The following TBC1D22A variants were observed in gnomAD, a reference collection of about 807,000 sequenced individuals.
TBC1D22A encodes TBC1 domain family member 22A, also known as putative GTPase activator.
In TBC1D22A, 38 loss-of-function variants were observed where a neutral mutation model predicts 60.2. That is an observed-to-expected ratio of 0.63 (90% CI 0.49 to 0.83). TBC1D22A has a LOEUF of 0.83. Ranked by LOEUF, TBC1D22A falls within the 40% of genes least tolerant of loss-of-function variation. The pLI is 0.00. For missense variants in TBC1D22A, 628 were observed against 701.0 expected (o/e 0.90, Z 1.18); for synonymous variants, 302 against 281.7 (o/e 1.07, Z -0.72).
intron 11 of TBC1D22A, among the ~76,000 whole-genome samples, chr22:47,068,774 A>C (rs534031938): frequency 2.0e-5 from 3 of 152,234 alleles, no homozygotes; most frequent in Non-Finnish European, 4.4e-5. Flanking sequence ...GAGACATGCA[A>C]ATGAGGCCAG....
chr22:46,806,341 ATT>A (rs34490073), intron 4 of TBC1D22A, among the ~76,000 whole-genome samples: 9 of 132,582 alleles, frequency 6.8e-5, no homozygotes, highest in Admixed American at 7.7e-5. Context: ...CTCTGTTCTG[ATT>A]TTTTTTTTTT....
chr22:46,967,934 G>GTGC (rs2073885291), intron 8 of TBC1D22A, among the ~76,000 whole-genome samples: 9 of 151,396 alleles, frequency 5.9e-5, no homozygotes, highest in East Asian at 1.9e-4. Flanking sequence ...TATGATTCCA[G>GTGC]AGCACCCCCT....
rs1331664937 is a variant in TBC1D22A, at chr22:46,878,679, G to A, written c.664G>A (p.Gly222Arg). The A allele has an allele frequency of 2.5e-6, 4 of 1,613,174 alleles. No homozygotes were observed. The highest frequency in any genetic ancestry group is 2.5e-6 in the Non-Finnish European group (3 of 1,179,852). Residue 222 changes from glycine (G) to arginine (R), a missense_variant, in exon 5 of 13, where the codon GGA (glycine) becomes AGA (arginine). By Grantham distance (125) the Gly-to-Arg change is moderately radical. Coordinates refer to ENST00000337137, the MANE Select transcript of TBC1D22A (RefSeq NM_014346.5). The stretch of plus-strand genomic sequence containing the variant: ...GGAATTACGGAGGTTGAGCTGGTCC[G>A]GAATCCCTAAGCCAGTGCGTCCAAT... Reference protein sequence around the residue: ...LEELRRLSWSGIPKPVRPMTW... With the variant: ...LEELRRLSWSRIPKPVRPMTW...
At chr22:47,148,174 C>T (rs1331599642) in intron 12 of TBC1D22A, among the ~76,000 whole-genome samples, 4 of 152,078 alleles carry the variant, frequency 2.6e-5, no homozygotes, top group Admixed American at 6.5e-5. Flanking sequence ...AGGCCACCAC[C>T]CCATCGGACA....
intron 12 of TBC1D22A, among the ~76,000 whole-genome samples, chr22:47,157,279 C>A (rs1367777428): frequency 2.0e-5 from 3 of 152,214 alleles, no homozygotes; most frequent in Admixed American, 6.5e-5. Flanking sequence ...GCATGTGAAG[C>A]CCTGTGGGAC....
At chr22:46,981,262 G>A (rs1433805658) in intron 9 of TBC1D22A, among the ~76,000 whole-genome samples, 2 of 152,222 alleles carry the variant, frequency 1.3e-5, no homozygotes, top group Non-Finnish European at 2.9e-5. Flanking sequence ...GGTGGTGGTT[G>A]TCAATGCCTG....
chr22:46,810,530 G>A (rs1029645480), intron 4 of TBC1D22A, among the ~76,000 whole-genome samples: 1 of 151,950 alleles, frequency 6.6e-6, no homozygotes. Flanking sequence ...TTATTATGAG[G>A]GTCAAAATGG....
chr22:46,952,850 G>A (rs2072989449), intron 8 of TBC1D22A, among the ~76,000 whole-genome samples: 1 of 152,146 alleles, frequency 6.6e-6, no homozygotes, highest in Admixed American at 6.5e-5. Flanking sequence ...CTCCACGTCA[G>A]GACCACCCCG....
chr22:46,900,819 T>G (rs1484573292), intron 7 of TBC1D22A, among the ~76,000 whole-genome samples: 6 of 152,198 alleles, frequency 3.9e-5, no homozygotes, highest in Non-Finnish European at 5.9e-5. Context: ...TCTTTCTAAT[T>G]TTTGCCCATT....
chr22:46,960,578 C>A (rs567801343), intron 8 of TBC1D22A, among the ~76,000 whole-genome samples: 2 of 152,282 alleles, frequency 1.3e-5, no homozygotes, highest in East Asian at 3.9e-4. Context: ...CGTCTTTTGG[C>A]CCTTTGGCAG....
intron 7 of TBC1D22A, among the ~76,000 whole-genome samples, chr22:46,896,485 G>C (rs541619586): frequency 2.6e-4 from 39 of 152,288 alleles, no homozygotes; most frequent in Admixed American, 5.2e-4. Context: ...TCACGCCTCT[G>C]TGTTCAGTTC....
At chr22:46,840,881 T>C (rs762918655) in intron 4 of TBC1D22A, among the ~76,000 whole-genome samples, 6 of 152,056 alleles carry the variant, frequency 3.9e-5, no homozygotes, top group Non-Finnish European at 7.4e-5. Flanking sequence ...CACAGAACTG[T>C]CAGATGATCC....
intron 12 of TBC1D22A, among the ~76,000 whole-genome samples, chr22:47,153,995 G>A (rs778338030): frequency 6.6e-6 from 1 of 152,130 alleles, no homozygotes; most frequent in Non-Finnish European, 1.5e-5. Flanking sequence ...TGGGCAGAGA[G>A]TAGGAGGAGG....
intron 4 of TBC1D22A, among the ~76,000 whole-genome samples, chr22:46,834,624 G>A (rs1187019878): frequency 1.3e-5 from 2 of 152,160 alleles, no homozygotes; most frequent in Non-Finnish European, 1.5e-5. Context: ...TGAATAGTTT[G>A]GGAGCAACTA....
chr22:46,870,677 G>A (rs2067255802), intron 4 of TBC1D22A, among the ~76,000 whole-genome samples: 1 of 152,202 alleles, frequency 6.6e-6, no homozygotes, highest in South Asian at 2.1e-4. Context: ...GAGGCTTGGA[G>A]GTCTCGCATC....
At chr22:46,797,699 A>G (rs961255647) in intron 4 of TBC1D22A, 79 bp downstream of exon 4, 44 of 1,397,816 alleles carry the variant, frequency 3.1e-5, no homozygotes, top group African/African-American at 2.5e-4. Flanking sequence ...AAAGGATTCT[A>G]TGTATGCTTA....
chr22:46,926,172 T>C (rs534743962), intron 8 of TBC1D22A, among the ~76,000 whole-genome samples: 17 of 152,290 alleles, frequency 1.1e-4, no homozygotes, highest in African/African-American at 3.6e-4. Flanking sequence ...AAAGCAGTGA[T>C]CCAAGAGAAA....
At chr22:46,881,687 G>A (rs193084629) in intron 5 of TBC1D22A, among the ~76,000 whole-genome samples, 1 of 152,332 alleles carries the variant, frequency 6.6e-6, no homozygotes, top group African/African-American at 2.4e-5. Flanking sequence ...GAAGAACTGG[G>A]AAGGGACAGG....
intron 4 of TBC1D22A, among the ~76,000 whole-genome samples, chr22:46,844,425 C>T (rs1314193397): frequency 6.6e-6 from 1 of 152,208 alleles, no homozygotes; most frequent in Non-Finnish European, 1.5e-5. Context: ...TGTGGGCATT[C>T]ATTAAGCACC....
Sources: gnomAD v4.1 joint callset for allele counts (sites outside exome capture counted in the v4.1 genomes callset) on GRCh38, gnomAD v4.1.1 for gene constraint, MANE v1.5 for transcripts, NCBI Gene and HGNC (gene_info 2026-07-23, HGNC 2026-07-21) for gene names.